UNC5A: variants seen among roughly 807,000 people sequenced by gnomAD.
UNC5A encodes unc-5 netrin receptor A.
A neutral mutation model predicts 87.4 loss-of-function variants in UNC5A; 20 were observed. The observed-to-expected ratio is 0.23, with a 90% CI of 0.16 to 0.33. The LOEUF (loss-of-function observed/expected upper bound fraction) is 0.33. Among genes scored for constraint, UNC5A ranks in the 10% least tolerant of loss-of-function variants. The pLI, the probability that UNC5A is intolerant of heterozygous loss-of-function variation, is 1.00. For synonymous variants in UNC5A, 438 were observed against 482.3 expected, an observed-to-expected ratio of 0.91 and a Z score of 1.20; for missense variants, 844 against 1,133.4, an observed-to-expected ratio of 0.74 and a Z score of 3.67.
chr5:176,829,002 C>G (rs1756921788), intron 1 of UNC5A, among the ~76,000 whole-genome samples: 1 of 152,100 alleles, frequency 6.6e-6, no homozygotes, highest in South Asian at 2.1e-4. Context: ...GGTGGTGCGC[C>G]TGTAATTCCA....
At chr5:176,857,799 T>C (rs1757703583) in intron 1 of UNC5A, among the ~76,000 whole-genome samples, 1 of 152,180 alleles carries the variant, frequency 6.6e-6, no homozygotes, top group Non-Finnish European at 1.5e-5. Context: ...CAAGCGCCCG[T>C]CAGGAATCTG....
chr5:176,854,346 C>T (rs973436347), intron 1 of UNC5A, among the ~76,000 whole-genome samples: 1 of 152,192 alleles, frequency 6.6e-6, no homozygotes, highest in African/African-American at 2.4e-5. Flanking sequence ...CTTATCAGAG[C>T]CCCCTAGTGA....
At chr5:176,858,256 T>C (rs564862939) in intron 1 of UNC5A, among the ~76,000 whole-genome samples, 1 of 152,164 alleles carries the variant, frequency 6.6e-6, no homozygotes, top group Admixed American at 6.5e-5. Flanking sequence ...GAGGGTGAGA[T>C]GGCATGTGTG....
chr5:176,850,887 G>A (rs944912897), intron 1 of UNC5A, among the ~76,000 whole-genome samples: 13 of 152,170 alleles, frequency 8.5e-5, no homozygotes, highest in African/African-American at 1.2e-4. Flanking sequence ...CTAATGGACC[G>A]GGCTGCAGCA....
Position 176,880,847 on chromosome 5 carries a change from TAG to T in UNC5A, c.*962_*963del, listed in dbSNP as rs1433583915. On this transcript the variant is annotated 3_prime_UTR_variant, in exon 15 of 15. Coordinates refer to ENST00000329542, the MANE Select transcript of UNC5A (RefSeq NM_133369.3). Reference sequence around the variant, plus strand: ...AGCCTTGCCCGGCCGCCGGGGCACATAGGGGTTTTATCGGGCGTGAATGTAAA... The same window carrying T: ...AGCCTTGCCCGGCCGCCGGGGCACATGGGTTTTATCGGGCGTGAATGTAAA... 1 of 437,628 alleles carries T rather than the reference TAG, an allele frequency of 2.3e-6. No homozygotes were observed. The highest frequency in any genetic ancestry group is 2.1e-5 in the African/African-American group (1 of 48,576). The allele number at this position is 437,628 out of a possible 1,614,324, so 27.1% of individuals were successfully genotyped here.
chr5:176,839,768 A>ACCT (rs1757229016), intron 1 of UNC5A, among the ~76,000 whole-genome samples: 1 of 146,312 alleles, frequency 6.8e-6, no homozygotes, highest in Non-Finnish European at 1.5e-5. Context: ...AGCAAGCAGC[A>ACCT]CCTGGACTCC....
Position 176,868,387 on chromosome 5 carries a change from C to T in UNC5A, c.436+114C>T. On this transcript the variant is annotated intron_variant, in intron 3 of 14. Coordinates refer to ENST00000329542, the MANE Select transcript of UNC5A (RefSeq NM_133369.3). ...CCGGTCAGAAAACCTCACAGCCCTG[C>T]CTGGATGAGTGGATAAAGTGCCTGT... The T allele has an allele frequency of 1.3e-5, 20 of 1,528,274 alleles. No homozygotes were observed. The South Asian group carries it at 2.1e-4, about 16-fold the overall frequency. The allele number at this position is 1,528,274 out of a possible 1,614,324, so 94.7% of individuals were successfully genotyped here. A position where few individuals can be genotyped will look rare whatever the true frequency, so the allele number is the denominator to read the frequency against.
intron 1 of UNC5A, among the ~76,000 whole-genome samples, chr5:176,816,000 C>T (rs1303821512): frequency 6.6e-6 from 1 of 152,230 alleles, no homozygotes; most frequent in African/African-American, 2.4e-5. Flanking sequence ...GGGGCAGGAG[C>T]CCTGAGCAGA....
rs1465559741 is a variant in UNC5A, at chr5:176,865,029, G to A, written c.292+2184G>A. 5.7e-6 allele frequency: 2 copies of A among 352,332 alleles called. No homozygotes were observed. Among genetic ancestry groups the A allele is most frequent in the African/African-American group, 4.3e-5 (2 of 46,314 alleles). 21.8% of individuals were successfully genotyped at this position (352,332 alleles called of 1,614,324 possible). On this transcript the variant is annotated intron_variant, in intron 2 of 14. Transcript: ENST00000329542. This position sits in a 1 kb window ranked among gnomAD's most constrained non-coding sequence, Gnocchi z 5.3. ...CTCAGTTTCTTCATCTGTAAAATGG[G>A]GGTGAGGAGACCTCCCCTCCATCCT...
intron 1 of UNC5A, among the ~76,000 whole-genome samples, chr5:176,850,551 G>C (rs1757518115): frequency 6.6e-6 from 1 of 152,148 alleles, no homozygotes; most frequent in African/African-American, 2.4e-5. Flanking sequence ...CAGGCAGCGA[G>C]GGTGGGCGGG....
At chr5:176,852,456 G>A (rs1324359955) in intron 1 of UNC5A, among the ~76,000 whole-genome samples, 1 of 152,170 alleles carries the variant, frequency 6.6e-6, no homozygotes, top group Admixed American at 6.5e-5. Flanking sequence ...TCCTTCCCCA[G>A]TTTTCCCTGG....
Position 176,879,937 on chromosome 5 carries a change from G to T in UNC5A, c.*51G>T. 1 of 1,571,558 alleles carries T rather than the reference G, an allele frequency of 6.4e-7. No individual in the cohort carries two copies. ...TCTCACCAGCTTTGGCACCCACCAA[G>T]GACAGGCAGAAGCCGGACAGGGGCC... On this transcript the variant is annotated 3_prime_UTR_variant, in exon 15 of 15. Transcript: ENST00000329542.
Position 176,877,722 on chromosome 5 carries a change from C to T in UNC5A, c.1635+19C>T, listed in dbSNP as rs757748040. The T allele has an allele frequency of 1.3e-6, 2 of 1,576,906 alleles. No homozygotes were observed. Among genetic ancestry groups the T allele is most frequent in the South Asian group, 1.2e-5 (1 of 86,948 alleles). ...CTGGGAGGTGAGCAGGGAACTGACC[C>T]GGGCTCCAGAAGGGAACGTGGGCTA... On this transcript the variant is annotated intron_variant, in intron 10 of 14. Transcript: ENST00000329542.
At chr5:176,817,619 A>T (rs1393511603) in intron 1 of UNC5A, among the ~76,000 whole-genome samples, 1 of 133,492 alleles carries the variant, frequency 7.5e-6, no homozygotes, top group East Asian at 2.6e-4. Flanking sequence ...ACTGGCGGGT[A>T]GCAGCCCCTC....
rs140669548 is a variant in UNC5A at position 176,878,542 on chromosome 5, G to A, written c.2087G>A (p.Arg696His). The change falls in exon 13 of 15, where the codon CGT becomes CAT. Residue 696 changes from arginine to histidine, a missense_variant. Arg to His is a conservative substitution (Grantham distance 29). Around this residue, in one of 3 missense-constraint regions of UNC5A, gnomAD observed 177 missense variants for 279.4 expected, o/e 0.63. Transcript: ENST00000329542. ...TTGCACTGCACCTTCACCCTGGAGC[G>A]TGTCAGCCCCAGCACTAGTGACCTG... The part of the protein sequence containing the change: ...RYLHCTFTLE[R>H]VSPSTSDLAC... 1.3e-4 allele frequency: 204 copies of A among 1,613,100 alleles called. No individual in the cohort carries two copies. Among genetic ancestry groups the A allele is most frequent in the African/African-American group, 5.3e-5 (4 of 74,920 alleles).
intron 1 of UNC5A, among the ~76,000 whole-genome samples, chr5:176,830,490 G>A (rs565210256): frequency 1.1e-4 from 16 of 145,026 alleles, no homozygotes; most frequent in Admixed American, 4.2e-4. Context: ...GTGTGCCGGC[G>A]TATGTGTGTG....
At chr5:176,815,054 C>T (rs1373651790) in intron 1 of UNC5A, among the ~76,000 whole-genome samples, 1 of 152,218 alleles carries the variant, frequency 6.6e-6, no homozygotes, top group African/African-American at 2.4e-5. Context: ...AACCAGCTCA[C>T]ATTGGTGCAT....
chr5:176,875,746 C>T lies in UNC5A; in HGVS notation c.1378+1180C>T, dbSNP rs998054134. On this transcript the variant is annotated intron_variant, in intron 8 of 14. Transcript: ENST00000329542. This position sits in a 1 kb window ranked among gnomAD's most constrained non-coding sequence, Gnocchi z 5.2. ...CTTCAGCCTCTTCCCTCACACACAT[C>T]GTCCCGCACACGGCAGCCACCATGG... 2.6e-5 allele frequency among the ~76,000 whole-genome samples: 4 copies of T among 152,312 alleles called. No homozygotes were observed. The highest frequency in any genetic ancestry group is 4.1e-4 in the South Asian group (2 of 4,826).
intron 2 of UNC5A, among the ~76,000 whole-genome samples, chr5:176,864,019 C>CGAGGCACAGCCCGTGCGG (rs145418863): frequency 6.6e-6 from 1 of 151,674 alleles, no homozygotes; most frequent in East Asian, 2.0e-4. Flanking sequence ...CATACCCTGT[C>CGAGGCACAGCCCGTGCGG]GAGGCACAGC....
Sources: allele counts gnomAD v4.1 joint callset (sites outside exome capture counted in the v4.1 genomes callset), GRCh38; gene constraint gnomAD v4.1.1; regional missense constraint gnomAD v4.1.1; non-coding constraint Gnocchi (gnomAD v3.1); transcripts MANE v1.5; gene names NCBI Gene and HGNC (gene_info 2026-07-23, HGNC 2026-07-21).